Variants in SMAD3 observed in about 807,000 individuals in gnomAD.
The protein encoded by SMAD3 is MAD homolog 3.
SMAD3 carries 12 observed loss-of-function variants against 51.8 expected under a neutral mutation model. That is an observed-to-expected ratio of 0.23 (90% CI 0.15 to 0.38). The LOEUF (loss-of-function observed/expected upper bound fraction) is 0.38. Ranked by LOEUF, SMAD3 falls within the 10% of genes least tolerant of loss-of-function variation. The pLI is 1.00. For synonymous variants in SMAD3, 238 were observed against 227.7 expected, an observed-to-expected ratio of 1.05 and a Z score of -0.41; for missense variants, 294 against 565.6, an observed-to-expected ratio of 0.52 and a Z score of 4.87.
At chr15:67,106,689 C>A (rs985486135) in intron 1 of SMAD3, among the ~76,000 whole-genome samples, 1 of 152,182 alleles carries the variant, frequency 6.6e-6, no homozygotes, top group Non-Finnish European at 1.5e-5. Flanking sequence ...GACACTTATG[C>A]TGTGATGGCC....
Position 67,096,461 on chromosome 15 carries a change from C to T in SMAD3, c.206+30101C>T, listed in dbSNP as rs114574903. Among the ~76,000 whole-genome samples the T allele has an allele frequency of 4.8e-3, 726 of 152,264 alleles. 8 individuals carry two copies. Among genetic ancestry groups the T allele is most frequent in the African/African-American group, 0.017 (711 of 41,534 alleles). ...AGGCTTTTTATATTTGCAGTTAAAA[C>T]TGGCATCACACAATATAAATAGGAG... On this transcript the variant is annotated intron_variant, in intron 1 of 8. Transcript: ENST00000327367.
At chr15:67,141,299 A>G (rs994649324) in intron 1 of SMAD3, among the ~76,000 whole-genome samples, 3 of 152,178 alleles carry the variant, frequency 2.0e-5, no homozygotes, top group African/African-American at 7.2e-5. Context: ...TTCCTAGTCT[A>G]CATTTTGGGA....
chr15:67,149,339 C>T (rs1962064215), intron 1 of SMAD3, among the ~76,000 whole-genome samples: 1 of 152,146 alleles, frequency 6.6e-6, no homozygotes, highest in African/African-American at 2.4e-5. Flanking sequence ...TGGGCAGGTG[C>T]TCTGAATCTC....
intron 6 of SMAD3, among the ~76,000 whole-genome samples, chr15:67,182,323 T>TA: frequency 6.6e-6 from 1 of 152,236 alleles, no homozygotes; most frequent in Admixed American, 6.5e-5. Context: ...GAAGCTGTGT[T>TA]ACGCATCACT....
chr15:67,079,891 A>G (rs1426095031), intron 1 of SMAD3, among the ~76,000 whole-genome samples: 1 of 152,238 alleles, frequency 6.6e-6, no homozygotes, highest in Non-Finnish European at 1.5e-5. Context: ...AACAAGGTTC[A>G]GATTACTTAG....
At chr15:67,143,634 A>T (rs1178644374) in intron 1 of SMAD3, among the ~76,000 whole-genome samples, 2 of 152,108 alleles carry the variant, frequency 1.3e-5, no homozygotes, top group Non-Finnish European at 2.9e-5. Flanking sequence ...CATTTTCACC[A>T]TGTTGACCAG....
At chr15:67,129,117 C>T (rs758446028) in intron 1 of SMAD3, among the ~76,000 whole-genome samples, 13 of 152,198 alleles carry the variant, frequency 8.5e-5, no homozygotes, top group Non-Finnish European at 1.6e-4. Context: ...TACCTCTACA[C>T]CAGGCGTCCC....
chr15:67,097,992 A>C (rs1045274091), intron 1 of SMAD3, among the ~76,000 whole-genome samples: 4 of 152,192 alleles, frequency 2.6e-5, no homozygotes, highest in African/African-American at 9.7e-5. Context: ...ACTCTTAGTC[A>C]CATGACCTTT....
At chr15:67,121,157 T>C (rs1026453800) in intron 1 of SMAD3, among the ~76,000 whole-genome samples, 3 of 152,206 alleles carry the variant, frequency 2.0e-5, no homozygotes, top group African/African-American at 4.8e-5. Context: ...GCCCCCGCCC[T>C]GTCCTGGCTG....
intron 1 of SMAD3, chr15:67,138,457 TC>T: frequency 3.6e-6 from 1 of 280,828 alleles, no homozygotes; most frequent in South Asian, 4.4e-5. Context: ...TTTGTTCCTT[TC>T]CAGTCATCGC....
chr15:67,087,772 G>T (rs867140261), intron 1 of SMAD3, among the ~76,000 whole-genome samples: 1 of 152,140 alleles, frequency 6.6e-6, no homozygotes, highest in Non-Finnish European at 1.5e-5. Context: ...TTATATAGAC[G>T]TGTGTGTTTG....
At position 67,193,640 on chromosome 15, in the gene SMAD3, T is replaced by C. The variant is rs979892479; in HGVS notation, c.*3104T>C. 4.3e-6 allele frequency: 1 copy of C among 233,002 alleles called. No homozygotes were observed. Among genetic ancestry groups the C allele is most frequent in the African/African-American group, 2.2e-5 (1 of 45,156 alleles). 14.4% of individuals were successfully genotyped at this position (233,002 alleles called of 1,614,324 possible). On this transcript the variant is annotated 3_prime_UTR_variant, in exon 9 of 9. Transcript: ENST00000327367. ...CTTTGACTCTTAGGAAGAGCACACA[T>C]GAGGGCAAGGCTGCTGGCAGACGTC...
At chr15:67,163,944 T>TAAAAAAAAAA (rs57803788) in intron 1 of SMAD3, among the ~76,000 whole-genome samples, 7 of 87,884 alleles carry the variant, frequency 8.0e-5, no homozygotes, top group East Asian at 3.9e-4. Flanking sequence ...GTATCAAAAG[T>TAAAAAAAAAA]AAAAAAAAAA....
At chr15:67,117,898 C>G (rs1961171264) in intron 1 of SMAD3, among the ~76,000 whole-genome samples, 1 of 152,122 alleles carries the variant, frequency 6.6e-6, no homozygotes, top group South Asian at 2.1e-4. Context: ...TCAAGACCAG[C>G]CTGGCCAACG....
At chr15:67,121,899 A>T (rs4776892) in intron 1 of SMAD3, among the ~76,000 whole-genome samples, 37,815 of 152,148 alleles carry the variant, frequency 0.25, 5,311 homozygotes, top group East Asian at 0.5. Flanking sequence ...TCCTGCCACT[A>T]CAGTCTAAGG....
At position 67,147,270 on chromosome 15, in the gene SMAD3, C is replaced by T. The variant is rs139625997; in HGVS notation, c.207-17625C>T. ...CTGCAGTGGACTGTGGCCCCAACAG[C>T]TGGGTGTGTGCAGGGTGGGAAATGC... On this transcript the variant is annotated intron_variant, in intron 1 of 8. Coordinates refer to ENST00000327367, the MANE Select transcript of SMAD3 (RefSeq NM_005902.4). Among the ~76,000 whole-genome samples the T allele has an allele frequency of 1.9e-3, 292 of 152,312 alleles. 1 individual carries two copies. Among genetic ancestry groups the T allele is most frequent in the African/African-American group, 6.5e-3 (270 of 41,570 alleles).
At chr15:67,187,556 C>G in intron 8 of SMAD3, 47 bp downstream of exon 8, 1 of 1,608,158 alleles carries the variant, frequency 6.2e-7, no homozygotes, top group Non-Finnish European at 8.5e-7. Context: ...CTCCAGGTGA[C>G]TCTGGACAGC....
At chr15:67,186,910 C>T (rs1567003174) in intron 7 of SMAD3, 1 of 364,752 alleles carries the variant, frequency 2.7e-6, no homozygotes, top group East Asian at 7.4e-5. Context: ...GCACTGCCTG[C>T]TGTGGAACGG....
intron 1 of SMAD3, among the ~76,000 whole-genome samples, chr15:67,082,377 T>G (rs1960296923): frequency 6.6e-6 from 1 of 152,172 alleles, no homozygotes; most frequent in Non-Finnish European, 1.5e-5. Context: ...AGTCTTATTT[T>G]CCTGTTGACA....
Sources: allele counts gnomAD v4.1 joint callset (sites outside exome capture counted in the v4.1 genomes callset), GRCh38; gene constraint gnomAD v4.1.1; transcripts MANE v1.5; gene names NCBI Gene and HGNC (gene_info 2026-07-23, HGNC 2026-07-21).